The following CDCA2 variants were observed in gnomAD, a reference collection of about 807,000 sequenced individuals.
CDCA2 encodes cell division cycle-associated protein 2.
CDCA2 carries 44 observed loss-of-function variants against 67.0 expected under a neutral mutation model. That is an observed-to-expected ratio of 0.66 (90% CI 0.52 to 0.84). CDCA2 has a LOEUF of 0.84. Among genes scored for constraint, CDCA2 ranks in the 40% least tolerant of loss-of-function variants. The probability of loss-of-function intolerance (pLI) is 0.00; values close to 1 mark genes in which losing one functional copy is unlikely to be tolerated. For missense variants in CDCA2, 1,253 were observed against 1,203.2 expected, an observed-to-expected ratio of 1.04 and a Z score of -0.61; for synonymous variants, 447 against 418.7, an observed-to-expected ratio of 1.07 and a Z score of -0.82.
At chr8:25,487,800 C>T (rs1803842694) in intron 12 of CDCA2, among the ~76,000 whole-genome samples, 1 of 151,876 alleles carries the variant, frequency 6.6e-6, no homozygotes, top group Non-Finnish European at 1.5e-5. Context: ...TAGTGTGTTT[C>T]TGATTTGATT....
chr8:25,501,497 G>T (rs548556869), intron 13 of CDCA2, among the ~76,000 whole-genome samples: 4 of 152,320 alleles, frequency 2.6e-5, no homozygotes, highest in African/African-American at 9.6e-5. Context: ...GGATCCACGG[G>T]CCGGGCCATG....
rs371652624 is a variant in CDCA2, at chr8:25,477,666, C to T, written c.821-2247C>T. On this transcript the variant is annotated intron_variant, in intron 7 of 14. Coordinates refer to ENST00000330560, the MANE Select transcript of CDCA2 (RefSeq NM_152562.4). Reference sequence around the variant, plus strand: ...TTCTAGGTGACTTCAAACATTATCACATGCTGTTGACTTCAAATTAAAATA... The same window carrying T: ...TTCTAGGTGACTTCAAACATTATCATATGCTGTTGACTTCAAATTAAAATA... Among the ~76,000 whole-genome samples, 4 of 152,184 alleles carry T rather than the reference C, an allele frequency of 2.6e-5. No homozygotes were observed. In the South Asian group the frequency reaches 6.2e-4, roughly 24 times the overall value.
At chr8:25,480,264 T>G in intron 8 of CDCA2, 140 bp downstream of exon 8, 3 of 710,272 alleles carry the variant, frequency 4.2e-6, no homozygotes, top group Non-Finnish European at 6.8e-6. Flanking sequence ...TTTCCTCATC[T>G]TTTCTTATTA....
intron 7 of CDCA2, among the ~76,000 whole-genome samples, chr8:25,471,525 C>G (rs550008570): frequency 7.1e-4 from 108 of 152,228 alleles, no homozygotes; most frequent in African/African-American, 2.6e-3. Context: ...CCAAGCCCAG[C>G]TGAGTTTTTT....
chr8:25,469,389 A>T (rs866589501), intron 6 of CDCA2, among the ~76,000 whole-genome samples: 6 of 152,254 alleles, frequency 3.9e-5, no homozygotes, highest in Non-Finnish European at 8.8e-5. Flanking sequence ...ATTGTTTGTT[A>T]TCAGAACTTT....
intron 7 of CDCA2, among the ~76,000 whole-genome samples, chr8:25,474,028 G>A (rs985376004): frequency 1.3e-5 from 2 of 152,168 alleles, no homozygotes; most frequent in Admixed American, 6.5e-5. Flanking sequence ...CAATGATCTG[G>A]TTAAGAAAAC....
chr8:25,462,108 G>A lies in CDCA2; in HGVS notation c.287G>A (p.Arg96Gln), dbSNP rs755866658. ...KCRRRSAVGA[R>Q]GSPETNHLIR... Reference sequence around the variant, plus strand: ...AGACGACGTTCTGCAGTCGGTGCTCGGGGCTCTCCTGAAACAAACCATCTG... The same window carrying A: ...AGACGACGTTCTGCAGTCGGTGCTCAGGGCTCTCCTGAAACAAACCATCTG... The change falls in exon 4 of 15, where the codon CGG becomes CAG. Residue 96 changes from arginine to glutamine, a missense_variant. Arg to Gln is a conservative substitution (Grantham distance 43). Transcript: ENST00000330560. The A allele has an allele frequency of 3.1e-5, 50 of 1,613,992 alleles. 1 individual carries two copies. Among genetic ancestry groups the A allele is most frequent in the Middle Eastern group, 1.6e-4 (1 of 6,084 alleles).
At chr8:25,482,360 A>G (rs1803604166) in intron 8 of CDCA2, among the ~76,000 whole-genome samples, 1 of 152,136 alleles carries the variant, frequency 6.6e-6, no homozygotes, top group Non-Finnish European at 1.5e-5. Flanking sequence ...GTTTTAATGC[A>G]GTTCTTCTAT....
At chr8:25,459,808 G>C (rs66649651) in intron 1 of CDCA2, among the ~76,000 whole-genome samples, 61,052 of 151,940 alleles carry the variant, frequency 0.4, 12,699 homozygotes, top group African/African-American at 0.52. Flanking sequence ...TTAGCACAGG[G>C]TGGGAAGTGT....
Position 25,485,745 on chromosome 8 carries a change from T to G in CDCA2, c.1366-14T>G, listed in dbSNP as rs372183720. On this transcript the variant is annotated splice_polypyrimidine_tract_variant and intron_variant, in intron 10 of 14. Coordinates refer to ENST00000330560, the MANE Select transcript of CDCA2 (RefSeq NM_152562.4). Reference sequence around the variant, plus strand: ...ATTTAAAGATATCTAACTTCTGTCTTTTCCTTTGTTTAGGAAAACATAGAA... The same window carrying G: ...ATTTAAAGATATCTAACTTCTGTCTGTTCCTTTGTTTAGGAAAACATAGAA... 1 of 1,543,774 alleles carries G rather than the reference T, an allele frequency of 6.5e-7. No individual in the cohort carries two copies. The highest frequency in any genetic ancestry group is 2.3e-5 in the East Asian group (1 of 44,164).
chr8:25,492,869 G>C (rs866363433), intron 13 of CDCA2, among the ~76,000 whole-genome samples: 1 of 152,230 alleles, frequency 6.6e-6, no homozygotes, highest in South Asian at 2.1e-4. Flanking sequence ...AAACAAGGGG[G>C]CTAATGGTGT....
Position 25,469,980 on chromosome 8 carries a change from G to T in CDCA2, c.820G>T (p.Ala274Ser). The T allele has an allele frequency of 6.3e-7, 1 of 1,595,524 alleles. No individual in the cohort carries two copies. The change falls in exon 7 of 15, where the codon GCA (alanine) becomes TCA (serine). Residue 274 changes from alanine to serine, a missense_variant and splice_region_variant. By Grantham distance (99) the Ala-to-Ser change is moderately conservative (BLOSUM62 1). Coordinates refer to ENST00000330560, the MANE Select transcript of CDCA2 (RefSeq NM_152562.4). The stretch of plus-strand genomic sequence containing the variant: ...TTCAGAGCTCACAGAGACTTCAAAT[G>T]GTAAGTAATCTTTTCTTAGTACATG... ...PLSELTETSN[A>S]LKVADCVVGK...
rs780683533 is a variant in CDCA2 at position 25,474,212 on chromosome 8, A to AT, written c.820+4237dup. Among the ~76,000 whole-genome samples the AT allele has an allele frequency of 9.2e-5, 14 of 152,198 alleles. No individual in the cohort carries two copies. The East Asian group carries it at 2.3e-3, about 25-fold the overall frequency. ...TAGGTTTGCTAATATTTTGTGGAGG[A>AT]TTTTTGCATCTTTGTTCACCAGGGA... On this transcript the variant is annotated intron_variant, in intron 7 of 14. Transcript: ENST00000330560.
chr8:25,473,079 G>T (rs1803221868), intron 7 of CDCA2, among the ~76,000 whole-genome samples: 1 of 152,148 alleles, frequency 6.6e-6, no homozygotes, highest in South Asian at 2.1e-4. Context: ...AACTTTGTTA[G>T]ATTCCTCATG....
At chr8:25,469,443 G>A (rs1803064460) in intron 6 of CDCA2, among the ~76,000 whole-genome samples, 1 of 152,172 alleles carries the variant, frequency 6.6e-6, no homozygotes, top group South Asian at 2.1e-4. Context: ...TATTATTTCT[G>A]AATTAGTGTG....
intron 13 of CDCA2, among the ~76,000 whole-genome samples, chr8:25,493,801 A>G (rs1052461947): frequency 7.2e-5 from 11 of 152,308 alleles, no homozygotes; most frequent in Admixed American, 5.9e-4. Flanking sequence ...GCACACTCAT[A>G]CATTTTCTGC....
Position 25,497,870 on chromosome 8 carries a change from T to C in CDCA2, c.1672-5503T>C, listed in dbSNP as rs561956432. On this transcript the variant is annotated intron_variant, in intron 13 of 14. Coordinates refer to ENST00000330560, the MANE Select transcript of CDCA2 (RefSeq NM_152562.4). ...TTCAAATTTGCCCATCAAAACTGAA[T>C]CTAATCAAGCTTCTAGATCTAATTA... 2.0e-5 allele frequency among the ~76,000 whole-genome samples: 3 copies of C among 152,328 alleles called. No homozygotes were observed. In the East Asian group the frequency reaches 5.8e-4, roughly 29 times the overall value.
Position 25,507,504 on chromosome 8 carries a change from A to AT in CDCA2, c.2838_2839insT (p.Lys947Ter). On this transcript the variant is annotated frameshift_variant, in exon 15 of 15. Coordinates refer to ENST00000330560, the MANE Select transcript of CDCA2 (RefSeq NM_152562.4). LOFTEE classifies it low-confidence loss of function (END_TRUNC). The stretch of plus-strand genomic sequence containing the variant: ...TAAAAGAAACTGTGTCCTCCAGACA[A>AT]AAACCGCAGATGGCACCTCCCGTCT... The AT allele has an allele frequency of 6.2e-7, 1 of 1,613,816 alleles. No individual in the cohort carries two copies. The highest frequency in any genetic ancestry group is 1.1e-5 in the South Asian group (1 of 91,012).
chr8:25,464,170 T>G (rs1802809747), intron 4 of CDCA2, among the ~76,000 whole-genome samples: 1 of 152,184 alleles, frequency 6.6e-6, no homozygotes, highest in South Asian at 2.1e-4. Flanking sequence ...TCCCAGAACT[T>G]TGAGAAGCAA....
Sources: gnomAD v4.1 joint callset for allele counts (sites outside exome capture counted in the v4.1 genomes callset) on GRCh38, gnomAD v4.1.1 for gene constraint, MANE v1.5 for transcripts, NCBI Gene and HGNC (gene_info 2026-07-23, HGNC 2026-07-21) for gene names.